NEK6: variants seen among roughly 807,000 people sequenced by gnomAD.
NEK6 encodes NIMA related kinase 6, also known as serine/threonine-protein kinase Nek6.
A neutral mutation model predicts 43.5 loss-of-function variants in NEK6; 27 were observed. That is an observed-to-expected ratio of 0.62 (90% CI 0.46 to 0.86). NEK6 has a LOEUF of 0.86. Ranked by LOEUF, NEK6 falls within the 40% of genes least tolerant of loss-of-function variation. NEK6 has a pLI of 0.00. For synonymous variants in NEK6, 167 were observed against 164.1 expected, an observed-to-expected ratio of 1.02 and a Z score of -0.14; for missense variants, 318 against 414.4, an observed-to-expected ratio of 0.77 and a Z score of 2.02.
intron 7 of NEK6, among the ~76,000 whole-genome samples, chr9:124,333,566 C>G (rs934657184): frequency 2.1e-4 from 32 of 152,248 alleles, no homozygotes; most frequent in Middle Eastern, 6.8e-3. Context: ...AGATGCTCAC[C>G]GAGCGTCTGA....
intron 5 of NEK6, among the ~76,000 whole-genome samples, chr9:124,325,098 C>T (rs370663885): frequency 6.6e-6 from 1 of 152,168 alleles, no homozygotes; most frequent in South Asian, 2.1e-4. Context: ...TTGCTTGAAC[C>T]CAGGAGGTGG....
intron 5 of NEK6, 75 bp downstream of exon 5, chr9:124,321,644 C>G: frequency 1.0e-6 from 1 of 997,104 alleles, no homozygotes; most frequent in Middle Eastern, 2.4e-4. Flanking sequence ...TCCTTTAGCC[C>G]AGTCCCACAA....
intron 4 of NEK6, among the ~76,000 whole-genome samples, chr9:124,314,393 C>G (rs1414970072): frequency 2.0e-5 from 3 of 152,098 alleles, no homozygotes; most frequent in African/African-American, 7.2e-5. Flanking sequence ...GCCTCTGTCT[C>G]TATGTCTGTC....
chr9:124,349,308 C>T (rs188729266), intron 9 of NEK6, among the ~76,000 whole-genome samples: 4 of 152,218 alleles, frequency 2.6e-5, no homozygotes, highest in African/African-American at 9.7e-5. Flanking sequence ...CTTCTGAATT[C>T]GGACTTGTGT....
intron 2 of NEK6, among the ~76,000 whole-genome samples, chr9:124,309,747 GA>G (rs1216220464): frequency 6.6e-6 from 1 of 152,236 alleles, no homozygotes; most frequent in East Asian, 1.9e-4. Flanking sequence ...TAAGTGCTCA[GA>G]AAGCCGCCCT....
At chr9:124,286,377 C>T (rs1171843957) in intron 1 of NEK6, 1 of 152,212 alleles carries the variant, frequency 6.6e-6, no homozygotes, top group African/African-American at 2.4e-5. Context: ...CTCAGGTTCC[C>T]CGGCTGTGAA....
In NEK6 at chr9:124,326,202, T is replaced by TCCACCCCCCCCCCCC; in HGVS notation, c.406-126_406-125insACCCCCCCCCCCCCC. On this transcript the variant is annotated intron_variant, in intron 5 of 9. Transcript: ENST00000320246. The surrounding 1 kb of genome is among the most constrained non-coding windows in gnomAD (Gnocchi z 4.5). Reference sequence around the variant, plus strand: ...GCTTATTGTTTGCTCAGTGGCTCAATCCCCCCCCCCCGCCCCTGCCAGGCA... The same window carrying TCCACCCCCCCCCCCC: ...GCTTATTGTTTGCTCAGTGGCTCAATCCACCCCCCCCCCCCCCCCCCCCCCCGCCCCTGCCAGGCA... 8.1e-6 allele frequency: 1 copy of TCCACCCCCCCCCCCC among 124,048 alleles called. No individual in the cohort carries two copies. Among genetic ancestry groups the TCCACCCCCCCCCCCC allele is most frequent in the Admixed American group, 7.2e-5 (1 of 13,890 alleles). The allele number at this position is 124,048 out of a possible 1,614,324, so 7.7% of individuals were successfully genotyped here.
intron 4 of NEK6, among the ~76,000 whole-genome samples, chr9:124,318,627 G>A (rs891010897): frequency 6.6e-6 from 1 of 152,056 alleles, no homozygotes; most frequent in Admixed American, 6.6e-5. Context: ...TTCTTTTGAA[G>A]AATCACTGTT....
Position 124,324,103 on chromosome 9 carries a change from G to C in NEK6, c.406-2227G>C, listed in dbSNP as rs1189075614. Among the ~76,000 whole-genome samples the C allele has an allele frequency of 6.6e-6, 1 of 152,204 alleles. No homozygotes were observed. The highest frequency in any genetic ancestry group is 1.5e-5 in the Non-Finnish European group (1 of 68,038). On this transcript the variant is annotated intron_variant, in intron 5 of 9. Coordinates refer to ENST00000320246, the MANE Select transcript of NEK6 (RefSeq NM_014397.6). This position sits in a 1 kb window ranked among gnomAD's most constrained non-coding sequence, Gnocchi z 5.3. ...TCAGGGGCCCTCACCTGCAGAGCTG[G>C]CTCGGTGCAGCCGCCAGCAGGGGAG...
chr9:124,284,512 T>C (rs1260080237), intron 1 of NEK6, among the ~76,000 whole-genome samples: 2 of 152,232 alleles, frequency 1.3e-5, no homozygotes, highest in Non-Finnish European at 2.9e-5. Flanking sequence ...GATTATCCAA[T>C]GTTGACCCAA....
chr9:124,345,757 C>T (rs574169456), intron 8 of NEK6, among the ~76,000 whole-genome samples: 1 of 152,346 alleles, frequency 6.6e-6, no homozygotes, highest in African/African-American at 2.4e-5. Context: ...CCAGCTGCAA[C>T]TCGGGGGCAC....
At chr9:124,346,460 G>A (rs1339173209) in intron 8 of NEK6, among the ~76,000 whole-genome samples, 1 of 152,184 alleles carries the variant, frequency 6.6e-6, no homozygotes, top group Non-Finnish European at 1.5e-5. Flanking sequence ...GGGCCCCTCG[G>A]TAGGCGCCCA....
intron 5 of NEK6, among the ~76,000 whole-genome samples, chr9:124,322,501 C>T (rs1834118863): frequency 1.3e-5 from 2 of 152,194 alleles, no homozygotes; most frequent in African/African-American, 4.8e-5. Flanking sequence ...TAGCAAAGCT[C>T]AGAGAGGTCT....
intron 1 of NEK6, among the ~76,000 whole-genome samples, chr9:124,263,237 C>T (rs114770455): frequency 0.011 from 1,731 of 152,300 alleles, 16 homozygotes; most frequent in South Asian, 0.03. Context: ...GGGGTTGAGA[C>T]GAGCACTGGG....
chr9:124,314,026 G>A (rs966639792), intron 4 of NEK6, 41 bp downstream of exon 4: 6 of 1,597,418 alleles, frequency 3.8e-6, no homozygotes, highest in Non-Finnish European at 5.1e-6. Flanking sequence ...CCTCCTCGGG[G>A]AGGTTCTGGG....
intron 7 of NEK6, among the ~76,000 whole-genome samples, chr9:124,338,129 T>C (rs1262337826): frequency 6.6e-6 from 1 of 152,182 alleles, no homozygotes; most frequent in Non-Finnish European, 1.5e-5. Flanking sequence ...GACAGGTGTG[T>C]ACCACCATGC....
chr9:124,321,962 C>T (rs1416447040), intron 5 of NEK6, among the ~76,000 whole-genome samples: 2 of 152,232 alleles, frequency 1.3e-5, no homozygotes, highest in Non-Finnish European at 2.9e-5. Context: ...CTTCTCCTGC[C>T]TCACAGAAGG....
intron 1 of NEK6, chr9:124,292,475 G>A (rs998218802): frequency 6.5e-7 from 1 of 1,536,952 alleles, no homozygotes; most frequent in African/African-American, 1.4e-5. Context: ...GAGGCCACGG[G>A]CTTGAAAGCT....
intron 1 of NEK6, among the ~76,000 whole-genome samples, chr9:124,264,716 G>A (rs1255939394): frequency 6.6e-6 from 1 of 151,290 alleles, no homozygotes; most frequent in African/African-American, 2.4e-5. Flanking sequence ...TGAGGAGCCT[G>A]AGGCGTGAGA....
Sources: gnomAD v4.1 joint callset for allele counts (sites outside exome capture counted in the v4.1 genomes callset) on GRCh38, gnomAD v4.1.1 for gene constraint, Gnocchi (gnomAD v3.1) non-coding constraint, MANE v1.5 for transcripts, NCBI Gene and HGNC (gene_info 2026-07-23, HGNC 2026-07-21) for gene names.